The following FAM107A variants were observed in gnomAD, a reference collection of about 807,000 sequenced individuals.
FAM107A encodes actin-associated protein FAM107A.
A neutral mutation model predicts 13.7 loss-of-function variants in FAM107A; 19 were observed. The observed-to-expected ratio is 1.38, with a 90% CI of 0.97 to 2.03. FAM107A has a LOEUF of 2.03. Ranked by LOEUF, FAM107A falls within the 30% of genes most tolerant of loss-of-function variation. The pLI is 0.00. For synonymous variants in FAM107A, 82 were observed against 74.5 expected (o/e 1.10, Z -0.52); for missense variants, 203 against 184.4 (o/e 1.10, Z -0.58).
At chr3:58,600,769 A>C (rs1287661697) in intron 1 of FAM107A, among the ~76,000 whole-genome samples, 1 of 152,148 alleles carries the variant, frequency 6.6e-6, no homozygotes, top group Non-Finnish European at 1.5e-5. Flanking sequence ...CTCTAAGGAG[A>C]CAGATCAGGG....
chr3:58,583,982 C>A (rs958709130), intron 1 of FAM107A, among the ~76,000 whole-genome samples: 3 of 152,186 alleles, frequency 2.0e-5, no homozygotes, highest in Non-Finnish European at 4.4e-5. Flanking sequence ...ATGAAAAGAG[C>A]CTCTATTTTG....
intron 1 of FAM107A, among the ~76,000 whole-genome samples, chr3:58,605,554 G>A (rs538100239): frequency 6.6e-6 from 1 of 152,190 alleles, no homozygotes; most frequent in Non-Finnish European, 1.5e-5. Context: ...AGGTGATGAG[G>A]GGCTCACCTT....
chr3:58,577,268 C>T lies in FAM107A; in HGVS notation c.-6+41G>A, dbSNP rs1180613400. 2.1e-6 allele frequency: 2 copies of T among 959,278 alleles called. No homozygotes were observed. Among genetic ancestry groups the T allele is most frequent in the Non-Finnish European group, 2.5e-6 (2 of 806,172 alleles). The allele number at this position is 959,278 out of a possible 1,614,324, so 59.4% of individuals were successfully genotyped here. On this transcript the variant is annotated intron_variant, in intron 1 of 3. Transcript: ENST00000360997. This position sits in a 1 kb window ranked among gnomAD's most constrained non-coding sequence, Gnocchi z 4.9. ...CCTTCCACCTCCTCCCGAACGGCAC[C>T]GCTCTCAACAGCAGATGAAACAGAA...
intron 1 of FAM107A, among the ~76,000 whole-genome samples, chr3:58,583,870 C>T (rs553217514): frequency 6.6e-5 from 10 of 152,044 alleles, no homozygotes; most frequent in East Asian, 1.9e-4. Flanking sequence ...TTTCTAGAGA[C>T]GAGATCTCAC....
At chr3:58,575,722 G>A (rs1255655331) in intron 1 of FAM107A, among the ~76,000 whole-genome samples, 1 of 152,202 alleles carries the variant, frequency 6.6e-6, no homozygotes, top group Non-Finnish European at 1.5e-5. Flanking sequence ...AGAACATGGA[G>A]GCCTGCTAAC....
chr3:58,584,768 A>C (rs1428114099), intron 1 of FAM107A, among the ~76,000 whole-genome samples: 1 of 151,816 alleles, frequency 6.6e-6, no homozygotes, highest in Non-Finnish European at 1.5e-5. Flanking sequence ...ATATAACTTC[A>C]CTCCATCCTC....
At chr3:58,618,723 C>G (rs114789704) in intron 1 of FAM107A, among the ~76,000 whole-genome samples, 1 of 152,136 alleles carries the variant, frequency 6.6e-6, no homozygotes, top group Admixed American at 6.5e-5. Flanking sequence ...CCTGTGACCT[C>G]TTCCTCTCTT....
intron 1 of FAM107A, among the ~76,000 whole-genome samples, chr3:58,616,651 A>C (rs2065904553): frequency 6.6e-6 from 1 of 151,810 alleles, no homozygotes; most frequent in Non-Finnish European, 1.5e-5. Context: ...GCACCACCAA[A>C]AGCTAAGAGA....
At chr3:58,593,815 G>A (rs1457968993) in intron 1 of FAM107A, among the ~76,000 whole-genome samples, 2 of 151,986 alleles carry the variant, frequency 1.3e-5, no homozygotes, top group Admixed American at 6.6e-5. Flanking sequence ...CTGCACCTCC[G>A]AACCTCCTTT....
intron 1 of FAM107A, among the ~76,000 whole-genome samples, chr3:58,585,167 T>C (rs537900017): frequency 6.6e-6 from 1 of 152,300 alleles, no homozygotes; most frequent in Admixed American, 6.5e-5. Context: ...TGTTTGCTAT[T>C]CTGCGTGGGT....
chr3:58,620,933 A>G (rs1287091286), intron 1 of FAM107A, among the ~76,000 whole-genome samples: 1 of 152,058 alleles, frequency 6.6e-6, no homozygotes, highest in Non-Finnish European at 1.5e-5. Context: ...GGCTGCAGCC[A>G]GTCTAGTCCC....
chr3:58,600,643 G>A (rs931356117), intron 1 of FAM107A, among the ~76,000 whole-genome samples: 15 of 152,174 alleles, frequency 9.9e-5, no homozygotes, highest in Admixed American at 9.2e-4. Flanking sequence ...GAACATGGTA[G>A]CCACTAGCCA....
In FAM107A at chr3:58,569,943, A is replaced by G; in HGVS notation, c.-5-78T>C. On this transcript the variant is annotated intron_variant, in intron 1 of 3. Coordinates refer to ENST00000360997, the MANE Select transcript of FAM107A (RefSeq NM_001076778.3). This position sits in a 1 kb window ranked among gnomAD's most constrained non-coding sequence, Gnocchi z 5.7. The stretch of plus-strand genomic sequence containing the variant: ...GCCCCATGGGACACAGTTGAAGGGC[A>G]AGGTTTTCATGTCAGATGGACCTTG... The G allele has an allele frequency of 6.9e-7, 1 of 1,448,572 alleles. No individual in the cohort carries two copies. The highest frequency in any genetic ancestry group is 9.3e-7 in the Non-Finnish European group (1 of 1,075,022). The allele number at this position is 1,448,572 out of a possible 1,614,324, so 89.7% of individuals were successfully genotyped here.
upstream of FAM107A, among the ~76,000 whole-genome samples, chr3:58,581,392 C>T (rs1161690012): frequency 6.6e-6 from 1 of 152,228 alleles, no homozygotes; most frequent in Non-Finnish European, 1.5e-5. Context: ...CCCCAAACAG[C>T]TTTTGTTTCA....
At position 58,569,945 on chromosome 3, in the gene FAM107A, G is replaced by A. The variant is rs532481674; in HGVS notation, c.-5-80C>T. On this transcript the variant is annotated intron_variant, in intron 1 of 3. Coordinates refer to ENST00000360997, the MANE Select transcript of FAM107A (RefSeq NM_001076778.3). This position sits in a 1 kb window ranked among gnomAD's most constrained non-coding sequence, Gnocchi z 5.7. Reference sequence around the variant, plus strand: ...CCCATGGGACACAGTTGAAGGGCAAGGTTTTCATGTCAGATGGACCTTGGC... The same window carrying A: ...CCCATGGGACACAGTTGAAGGGCAAAGTTTTCATGTCAGATGGACCTTGGC... 4.2e-6 allele frequency: 6 copies of A among 1,429,296 alleles called. No individual in the cohort carries two copies. The South Asian group carries it at 8.3e-5, about 20-fold the overall frequency. 88.5% of individuals were successfully genotyped at this position (1,429,296 alleles called of 1,614,324 possible). A position where few individuals can be genotyped will look rare whatever the true frequency, so the allele number is the denominator to read the frequency against.
At chr3:58,599,271 C>T (rs1023058030) in intron 1 of FAM107A, among the ~76,000 whole-genome samples, 1 of 152,178 alleles carries the variant, frequency 6.6e-6, no homozygotes, top group African/African-American at 2.4e-5. Context: ...AATAATTCTA[C>T]TCCAAACACC....
chr3:58,597,274 C>A (rs1033619302), intron 1 of FAM107A, among the ~76,000 whole-genome samples: 1 of 152,222 alleles, frequency 6.6e-6, no homozygotes, highest in African/African-American at 2.4e-5. Flanking sequence ...ATACTGCCAA[C>A]AATGATTGTG....
intron 1 of FAM107A, among the ~76,000 whole-genome samples, chr3:58,601,912 C>A (rs1161033539): frequency 2.0e-5 from 3 of 152,050 alleles, no homozygotes; most frequent in African/African-American, 7.3e-5. Context: ...GTGGTGTAAA[C>A]GTGGATGGGG....
At chr3:58,614,554 G>C (rs754726893) in intron 1 of FAM107A, among the ~76,000 whole-genome samples, 9 of 149,506 alleles carry the variant, frequency 6.0e-5, no homozygotes, top group Non-Finnish European at 1.2e-4. Context: ...GCTCAGGCTA[G>C]AGTGTGATGG....
Sources: gnomAD v4.1 joint callset for allele counts (sites outside exome capture counted in the v4.1 genomes callset) on GRCh38, gnomAD v4.1.1 for gene constraint, Gnocchi (gnomAD v3.1) non-coding constraint, MANE v1.5 for transcripts, NCBI Gene and HGNC (gene_info 2026-07-23, HGNC 2026-07-21) for gene names.